SLCO2A1: variants seen among roughly 807,000 people sequenced by gnomAD.
The protein encoded by SLCO2A1 is solute carrier organic anion transporter family member 2A1.
In SLCO2A1, 60 loss-of-function variants were observed where a neutral mutation model predicts 71.7. The ratio of observed to expected loss-of-function variants is 0.84; its 90% CI spans 0.68 to 1.04. SLCO2A1 has a LOEUF of 1.04. Ranked by LOEUF, SLCO2A1 falls within the 50% of genes least tolerant of loss-of-function variation. The probability of loss-of-function intolerance (pLI) is 0.00; values close to 1 mark genes in which losing one functional copy is unlikely to be tolerated. For synonymous variants in SLCO2A1, 308 were observed against 326.7 expected (o/e 0.94, Z 0.62); for missense variants, 745 against 813.4 (o/e 0.92, Z 1.02).
intron 3 of SLCO2A1, among the ~76,000 whole-genome samples, chr3:133,967,965 C>A (rs867933029): frequency 5.2e-4 from 49 of 93,522 alleles, no homozygotes; most frequent in Admixed American, 1.7e-3. Flanking sequence ...CCGACATGGA[C>A]CCCTCCTCAC....
chr3:133,971,565 G>A (rs1024752437), intron 3 of SLCO2A1, among the ~76,000 whole-genome samples: 1 of 152,070 alleles, frequency 6.6e-6, no homozygotes, highest in Non-Finnish European at 1.5e-5. Flanking sequence ...TCCATCACTG[G>A]CCTGACAATC....
chr3:134,023,558 G>A (rs1469953164), intron 1 of SLCO2A1, among the ~76,000 whole-genome samples: 2 of 152,188 alleles, frequency 1.3e-5, no homozygotes, highest in Non-Finnish European at 2.9e-5. Context: ...GAGCTTTCAT[G>A]CCATAGTTGG....
At chr3:134,004,907 G>A (rs1020291769) in intron 1 of SLCO2A1, among the ~76,000 whole-genome samples, 4 of 152,222 alleles carry the variant, frequency 2.6e-5, no homozygotes, top group Non-Finnish European at 5.9e-5. Flanking sequence ...AAGCCACTCC[G>A]TGGTGATAAT....
chr3:133,937,575 G>A (rs1030146957), intron 12 of SLCO2A1, among the ~76,000 whole-genome samples: 6 of 152,208 alleles, frequency 3.9e-5, no homozygotes, highest in African/African-American at 1.2e-4. Context: ...GGGTAATGAG[G>A]CACAGTGGGC....
chr3:133,993,919 C>A (rs979183908), intron 1 of SLCO2A1, among the ~76,000 whole-genome samples: 1 of 152,120 alleles, frequency 6.6e-6, no homozygotes, highest in African/African-American at 2.4e-5. Flanking sequence ...TTCCTGCCTT[C>A]AAGGAAAGAG....
At chr3:134,010,042 A>C (rs1935300502) in intron 1 of SLCO2A1, among the ~76,000 whole-genome samples, 1 of 152,222 alleles carries the variant, frequency 6.6e-6, no homozygotes, top group South Asian at 2.1e-4. Context: ...TTATCTCAGT[A>C]AATTTGGTAC....
chr3:133,945,391 C>T, intron 9 of SLCO2A1, 131 bp from the exon 10 acceptor site: 1 of 877,130 alleles, frequency 1.1e-6, no homozygotes, highest in East Asian at 2.7e-5. Context: ...GCCAGTGCCA[C>T]CCTGGGATCT....
intron 1 of SLCO2A1, among the ~76,000 whole-genome samples, chr3:133,989,459 C>T (rs1412401741): frequency 6.6e-6 from 1 of 152,174 alleles, no homozygotes; most frequent in African/African-American, 2.4e-5. Context: ...ACTGCACAAC[C>T]ACACTGACAA....
At chr3:133,941,270 AATT>A (rs148216982) in intron 11 of SLCO2A1, among the ~76,000 whole-genome samples, 6 of 152,156 alleles carry the variant, frequency 3.9e-5, no homozygotes, top group African/African-American at 7.2e-5. Context: ...GCTAGCTGTG[AATT>A]ATTATTATTA....
chr3:134,008,094 C>G (rs745519293), intron 1 of SLCO2A1, among the ~76,000 whole-genome samples: 6 of 152,200 alleles, frequency 3.9e-5, no homozygotes, highest in Non-Finnish European at 8.8e-5. Context: ...TTGTCTGATT[C>G]ACAGTCGTGC....
chr3:133,985,547 C>A (rs533177809), intron 1 of SLCO2A1, among the ~76,000 whole-genome samples: 1 of 152,298 alleles, frequency 6.6e-6, no homozygotes, highest in Admixed American at 6.5e-5. Flanking sequence ...TATATACCAT[C>A]ATTTTCTATC....
intron 3 of SLCO2A1, among the ~76,000 whole-genome samples, chr3:133,961,623 TG>T (rs1934038127): frequency 6.6e-6 from 1 of 152,316 alleles, no homozygotes; most frequent in Non-Finnish European, 1.5e-5. Flanking sequence ...TTCTGGGGAT[TG>T]TTTAACTGCT....
At chr3:134,027,630 C>T (rs1935724836) in intron 1 of SLCO2A1, among the ~76,000 whole-genome samples, 1 of 152,202 alleles carries the variant, frequency 6.6e-6, no homozygotes, top group Admixed American at 6.5e-5. Context: ...TTGTCTGTGG[C>T]TCGTCCTGCT....
chr3:134,012,938 C>T (rs571957060), intron 1 of SLCO2A1, among the ~76,000 whole-genome samples: 1 of 152,188 alleles, frequency 6.6e-6, no homozygotes, highest in African/African-American at 2.4e-5. Context: ...TTCCAATTTG[C>T]CCACAACTTT....
intron 5 of SLCO2A1, among the ~76,000 whole-genome samples, chr3:133,952,258 G>A (rs1933762881): frequency 6.6e-6 from 1 of 152,206 alleles, no homozygotes; most frequent in Admixed American, 6.5e-5. Flanking sequence ...TACTTTCATT[G>A]GAAGTACAGC....
intron 12 of SLCO2A1, 75 bp downstream of exon 12, chr3:133,938,354 T>G: frequency 7.7e-7 from 1 of 1,298,914 alleles, no homozygotes; most frequent in Non-Finnish European, 1.1e-6. Context: ...CCTCCATCGC[T>G]ACCCTGCACC....
chr3:133,994,289 AG>A (rs1447818509), intron 1 of SLCO2A1, among the ~76,000 whole-genome samples: 2 of 152,240 alleles, frequency 1.3e-5, no homozygotes, highest in African/African-American at 4.8e-5. Context: ...ACTGAGGCTC[AG>A]GGCAGAGTTG....
chr3:134,028,417 G>A (rs1489643477), intron 1 of SLCO2A1, among the ~76,000 whole-genome samples: 2 of 152,206 alleles, frequency 1.3e-5, no homozygotes, highest in African/African-American at 2.4e-5. Context: ...GAGGAGATTT[G>A]GAGATTATTT....
At chr3:133,942,899 G>A (rs925191517) in intron 10 of SLCO2A1, 131 bp from the exon 11 acceptor site, 16 of 983,448 alleles carry the variant, frequency 1.6e-5, no homozygotes, top group Non-Finnish European at 2.3e-5. Context: ...CTGGTTCCCA[G>A]GGAAGCTGGG....
Sources: allele counts gnomAD v4.1 joint callset (sites outside exome capture counted in the v4.1 genomes callset), GRCh38; gene constraint gnomAD v4.1.1; transcripts MANE v1.5; gene names NCBI Gene and HGNC (gene_info 2026-07-23, HGNC 2026-07-21).